CTDSPL: variants seen among roughly 807,000 people sequenced by gnomAD.
CTDSPL encodes CTD small phosphatase like, also known as CTD small phosphatase-like protein.
In CTDSPL, 8 loss-of-function variants were observed where a neutral mutation model predicts 30.5. The observed-to-expected ratio is 0.26, with a 90% CI of 0.15 to 0.47. The LOEUF (loss-of-function observed/expected upper bound fraction) is 0.47. Among genes scored for constraint, CTDSPL ranks in the 20% least tolerant of loss-of-function variants. The probability of loss-of-function intolerance (pLI) is 0.99; values close to 1 mark genes in which losing one functional copy is unlikely to be tolerated. For synonymous variants in CTDSPL, 110 were observed against 137.9 expected (o/e 0.80, Z 1.42); for missense variants, 248 against 366.1 (o/e 0.68, Z 2.63).
intron 1 of CTDSPL, among the ~76,000 whole-genome samples, chr3:37,870,851 G>A (rs1575274803): frequency 1.3e-5 from 2 of 152,214 alleles, no homozygotes; most frequent in East Asian, 3.9e-4. Flanking sequence ...AAAGCACAGA[G>A]AATTTCCATA....
intron 1 of CTDSPL, among the ~76,000 whole-genome samples, chr3:37,907,072 C>G (rs1356397831): frequency 6.6e-6 from 1 of 152,230 alleles, no homozygotes; most frequent in Non-Finnish European, 1.5e-5. Flanking sequence ...CAAAAACCCC[C>G]ACTTCCTTTT....
intron 1 of CTDSPL, among the ~76,000 whole-genome samples, chr3:37,880,673 T>C (rs746245064): frequency 7.2e-5 from 11 of 152,186 alleles, no homozygotes; most frequent in Non-Finnish European, 1.3e-4. Context: ...TCTCTGAAAT[T>C]CTGGGAGAAA....
chr3:37,884,420 A>T (rs1472008470), intron 1 of CTDSPL, among the ~76,000 whole-genome samples: 1 of 152,240 alleles, frequency 6.6e-6, no homozygotes, highest in Non-Finnish European at 1.5e-5. Flanking sequence ...GCAGTTATCT[A>T]TGAGTGGTAG....
intron 1 of CTDSPL, among the ~76,000 whole-genome samples, chr3:37,880,931 T>G (rs1698196185): frequency 6.6e-6 from 1 of 151,952 alleles, no homozygotes; most frequent in Admixed American, 6.6e-5. Flanking sequence ...AGAGTCAGAT[T>G]TGGCCATTTC....
chr3:37,934,641 A>G (rs1489563047), intron 1 of CTDSPL, among the ~76,000 whole-genome samples: 1 of 152,242 alleles, frequency 6.6e-6, no homozygotes, highest in Non-Finnish European at 1.5e-5. Flanking sequence ...GGAGCTGTGA[A>G]TTGGGTTCCC....
chr3:37,961,062 T>G (rs931884376), intron 3 of CTDSPL, among the ~76,000 whole-genome samples: 1 of 152,232 alleles, frequency 6.6e-6, no homozygotes, highest in African/African-American at 2.4e-5. Context: ...TTTTAATAGT[T>G]TCACCATTAT....
intron 5 of CTDSPL, among the ~76,000 whole-genome samples, chr3:37,970,991 G>A (rs1228537714): frequency 1.3e-5 from 2 of 152,192 alleles, no homozygotes; most frequent in East Asian, 1.9e-4. Context: ...GCAATATGCT[G>A]GGCCTGGACC....
At chr3:37,970,837 G>T (rs910050179) in intron 5 of CTDSPL, among the ~76,000 whole-genome samples, 1 of 152,196 alleles carries the variant, frequency 6.6e-6, no homozygotes, top group Non-Finnish European at 1.5e-5. Flanking sequence ...ACCCTTTATG[G>T]TGTCATAGAC....
chr3:37,919,699 G>A (rs1216296901), intron 1 of CTDSPL, among the ~76,000 whole-genome samples: 2 of 152,196 alleles, frequency 1.3e-5, no homozygotes, highest in Non-Finnish European at 2.9e-5. Context: ...CAGCAGAGAT[G>A]GAATGGGAAA....
At position 37,947,229 on chromosome 3, in the gene CTDSPL, A is replaced by T; in HGVS notation, c.234+18A>T. The stretch of plus-strand genomic sequence containing the variant: ...TTCAGAAGGTCAGTACTGGTGAGGA[A>T]CTGTGCCCTCCATAAAACTGCAGCA... On this transcript the variant is annotated intron_variant, in intron 2 of 7. Coordinates refer to ENST00000273179, the MANE Select transcript of CTDSPL (RefSeq NM_001008392.2). 6.2e-7 allele frequency: 1 copy of T among 1,603,532 alleles called. No individual in the cohort carries two copies.
At chr3:37,943,770 C>G (rs936081936) in intron 1 of CTDSPL, among the ~76,000 whole-genome samples, 2 of 150,280 alleles carry the variant, frequency 1.3e-5, no homozygotes, top group African/African-American at 4.8e-5. Context: ...TTGGTCAAAG[C>G]AGAGAAGCAA....
At chr3:37,980,403 T>G (rs1196202355) in intron 7 of CTDSPL, among the ~76,000 whole-genome samples, 4 of 152,216 alleles carry the variant, frequency 2.6e-5, no homozygotes, top group African/African-American at 9.6e-5. Context: ...GAACCGATCT[T>G]GTGCAGTAGA....
chr3:37,963,298 C>G (rs1699263498), intron 3 of CTDSPL, among the ~76,000 whole-genome samples: 1 of 152,202 alleles, frequency 6.6e-6, no homozygotes, highest in Non-Finnish European at 1.5e-5. Context: ...GATCATTGTA[C>G]TTGCAAATTT....
intron 1 of CTDSPL, among the ~76,000 whole-genome samples, chr3:37,902,433 C>G (rs927303436): frequency 6.6e-6 from 1 of 151,974 alleles, no homozygotes; most frequent in Non-Finnish European, 1.5e-5. Flanking sequence ...ACAAATAGTC[C>G]GTTTTCCATG....
At chr3:37,877,812 G>A (rs1698155715) in intron 1 of CTDSPL, among the ~76,000 whole-genome samples, 2 of 152,172 alleles carry the variant, frequency 1.3e-5, no homozygotes, top group Non-Finnish European at 2.9e-5. Flanking sequence ...GACGGCAAGA[G>A]AGGAAGCAAG....
intron 1 of CTDSPL, among the ~76,000 whole-genome samples, chr3:37,934,747 G>A (rs1268377329): frequency 1.3e-5 from 2 of 152,170 alleles, no homozygotes; most frequent in Non-Finnish European, 2.9e-5. Flanking sequence ...GGAAAGTGGC[G>A]CTCTTTGAGC....
intron 1 of CTDSPL, among the ~76,000 whole-genome samples, chr3:37,887,878 T>A (rs2125595075): frequency 6.6e-6 from 1 of 152,306 alleles, no homozygotes; most frequent in African/African-American, 2.4e-5. Context: ...TGAAGACAAT[T>A]TAAAAATGCT....
At chr3:37,872,776 C>T (rs1247438794) in intron 1 of CTDSPL, among the ~76,000 whole-genome samples, 3 of 151,814 alleles carry the variant, frequency 2.0e-5, no homozygotes, top group African/African-American at 7.3e-5. Context: ...GGTTTCACCA[C>T]GTTGGCCAGG....
chr3:37,866,906 T>G (rs756975696), intron 1 of CTDSPL, among the ~76,000 whole-genome samples: 16 of 152,214 alleles, frequency 1.1e-4, no homozygotes, highest in Non-Finnish European at 1.9e-4. Context: ...AACTTTTTAT[T>G]TGGAGATAAC....
Sources: gnomAD v4.1 joint callset for allele counts (sites outside exome capture counted in the v4.1 genomes callset) on GRCh38, gnomAD v4.1.1 for gene constraint, MANE v1.5 for transcripts, NCBI Gene and HGNC (gene_info 2026-07-23, HGNC 2026-07-21) for gene names.